Variants in TIAL1 observed in about 807,000 individuals in gnomAD.
The protein encoded by TIAL1 is TIA1 cytotoxic granule associated RNA binding protein like 1.
In TIAL1, 7 loss-of-function variants were observed where a neutral mutation model predicts 59.7. That is an observed-to-expected ratio of 0.12 (90% CI 0.07 to 0.22). The LOEUF is 0.22. Ranked by LOEUF, TIAL1 falls within the 10% of genes least tolerant of loss-of-function variation. The pLI is 1.00. For missense variants in TIAL1, 225 were observed against 462.5 expected (o/e 0.49, Z 4.71); for synonymous variants, 149 against 146.3 (o/e 1.02, Z -0.13).
At position 119,582,679 on chromosome 10, in the gene TIAL1, T is replaced by TGAAAGCCTAACAC; in HGVS notation, c.130-135_130-123dup. The TGAAAGCCTAACAC allele has an allele frequency of 6.9e-7, 1 of 1,445,146 alleles. No individual in the cohort carries two copies. The highest frequency in any genetic ancestry group is 9.2e-7 in the Non-Finnish European group (1 of 1,091,938). The allele number at this position is 1,445,146 out of a possible 1,614,324, so 89.5% of individuals were successfully genotyped here. On this transcript the variant is annotated intron_variant, in intron 2 of 11. Transcript: ENST00000436547. This position sits in a 1 kb window ranked among gnomAD's most constrained non-coding sequence, Gnocchi z 5.1. Reference sequence around the variant, plus strand: ...TACAAGGTGAGACTGCATAAGCTTATGAAAGCCTAACACTTTTTAAATAAG... The same window carrying TGAAAGCCTAACAC: ...TACAAGGTGAGACTGCATAAGCTTATGAAAGCCTAACACGAAAGCCTAACACTTTTTAAATAAG...
At chr10:119,580,942 C>A in intron 5 of TIAL1, 2 of 505,512 alleles carry the variant, frequency 4.0e-6, no homozygotes, top group Non-Finnish European at 2.8e-6. Context: ...AAAACAGCAA[C>A]CTGTATTATT....
rs764531170 is a variant in TIAL1 at position 119,596,618 on chromosome 10, C to G, written c.-153G>C. The G allele has an allele frequency of 2.7e-5, 17 of 629,600 alleles. No homozygotes were observed. The highest frequency in any genetic ancestry group is 4.4e-5 in the Non-Finnish European group (16 of 362,518). 39.0% of individuals were successfully genotyped at this position (629,600 alleles called of 1,614,324 possible). A position where few individuals can be genotyped will look rare whatever the true frequency, so the allele number is the denominator to read the frequency against. ...TCTCGGGCTCTCTCCCCCCAGCCCG[C>G]TCCGGACACTGCGCTCCAACCAGGA... is the stretch of plus-strand genomic sequence containing the variant. On this transcript the variant is annotated 5_prime_UTR_variant, in exon 1 of 12. Transcript: ENST00000436547.
At position 119,596,474 on chromosome 10, in the gene TIAL1, C is replaced by A. The variant is rs766691683; in HGVS notation, c.-9G>T. On this transcript the variant is annotated 5_prime_UTR_variant, in exon 1 of 12. Transcript: ENST00000436547. The stretch of plus-strand genomic sequence containing the variant: ...CCGTCGTCTTCCATCATGGTGGGTG[C>A]GACGGAGCGATCCCGGGACAAGGGG... The A allele has an allele frequency of 6.4e-6, 9 of 1,416,540 alleles. No homozygotes were observed. Among genetic ancestry groups the A allele is most frequent in the Non-Finnish European group, 6.6e-6 (7 of 1,062,346 alleles). 87.7% of individuals were successfully genotyped at this position (1,416,540 alleles called of 1,614,324 possible).
At position 119,575,533 on chromosome 10, in the gene TIAL1, G is replaced by T; in HGVS notation, c.*132C>A. 1 of 1,261,778 alleles carries T rather than the reference G, an allele frequency of 7.9e-7. No individual in the cohort carries two copies. The highest frequency in any genetic ancestry group is 1.1e-6 in the Non-Finnish European group (1 of 896,540). The allele number at this position is 1,261,778 out of a possible 1,614,324, so 78.2% of individuals were successfully genotyped here. On this transcript the variant is annotated 3_prime_UTR_variant, in exon 12 of 12. Coordinates refer to ENST00000436547, the MANE Select transcript of TIAL1 (RefSeq NM_003252.4). ...ACGTGTCCTTCACCAAAGCAAATCT[G>T]TGCTAAAGGTTCCAAACATTTCAAT...
Position 119,573,964 on chromosome 10 carries a change from A to G in TIAL1, c.*1701T>C, listed in dbSNP as rs1288478558. On this transcript the variant is annotated 3_prime_UTR_variant, in exon 12 of 12. Coordinates refer to ENST00000436547, the MANE Select transcript of TIAL1 (RefSeq NM_003252.4). ...ATTGTGACCACCAATTTATAAAATC[A>G]TTATTTTAAAGCTAATCGTAAAACT... 6.6e-6 allele frequency: 1 copy of G among 152,558 alleles called. No individual in the cohort carries two copies. The highest frequency in any genetic ancestry group is 6.5e-5 in the Admixed American group (1 of 15,282). The allele number at this position is 152,558 out of a possible 1,614,324, so 9.5% of individuals were successfully genotyped here.
chr10:119,592,231 C>T (rs1224125285), intron 1 of TIAL1: 4 of 152,006 alleles, frequency 2.6e-5, no homozygotes, highest in African/African-American at 9.7e-5. Flanking sequence ...TTTAACTCAA[C>T]GAAAAAATTC....
intron 2 of TIAL1, among the ~76,000 whole-genome samples, chr10:119,584,950 CAAA>C (rs1314813132): frequency 6.6e-6 from 1 of 151,250 alleles, no homozygotes; most frequent in Non-Finnish European, 1.5e-5. Context: ...ATTAAAAATA[CAAA>C]AAATAAAAAA....
At chr10:119,578,957 C>T in intron 6 of TIAL1, 123 bp from the exon 7 acceptor site, 1 of 711,316 alleles carries the variant, frequency 1.4e-6, no homozygotes, top group East Asian at 2.7e-5. Flanking sequence ...ACTAAATATC[C>T]TAAACAAAAC....
rs1333590601 is a variant in TIAL1, at chr10:119,575,776, A to G, written c.1017T>C (p.Ala339=). Reference sequence around the variant, plus strand: ...GAGCACCAAATCCACCCATCCAAGCAGCAGAAGGTGATTGACTTGGAAGAA... The same window carrying G: ...GAGCACCAAATCCACCCATCCAAGCGGCAGAAGGTGATTGACTTGGAAGAA... The part of the protein sequence containing the change: ...QGFGVDQSPS[A]AWMGGFGAQP... Residue 339 remains alanine (A), a synonymous_variant, in exon 12 of 12, where the codon GCT becomes GCC. Coordinates refer to ENST00000436547, the MANE Select transcript of TIAL1 (RefSeq NM_003252.4). 1.3e-6 allele frequency: 2 copies of G among 1,553,770 alleles called. No homozygotes were observed. Among genetic ancestry groups the G allele is most frequent in the South Asian group, 1.2e-5 (1 of 82,692 alleles).
In TIAL1 at chr10:119,577,588, A is replaced by T; in HGVS notation, c.652+53T>A. The T allele has an allele frequency of 3.1e-6, 5 of 1,607,714 alleles. No individual in the cohort carries two copies. In the Admixed American group the frequency reaches 5.0e-5, roughly 16 times the overall value. On this transcript the variant is annotated intron_variant, in intron 8 of 11. Coordinates refer to ENST00000436547, the MANE Select transcript of TIAL1 (RefSeq NM_003252.4). ...ATGGCTGATGTGTATCATGAAATTC[A>T]TATGAACAGTGATGAAGCTCCTCAG...
At chr10:119,595,845 G>T (rs1846147625) in intron 1 of TIAL1, among the ~76,000 whole-genome samples, 1 of 152,230 alleles carries the variant, frequency 6.6e-6, no homozygotes, top group Admixed American at 6.5e-5. Flanking sequence ...AGTAGCGGGC[G>T]CTAGGCGGGT....
chr10:119,576,779 G>A (rs746242040), intron 10 of TIAL1, 29 bp from the exon 11 acceptor site: 6 of 1,609,408 alleles, frequency 3.7e-6, no homozygotes, highest in African/African-American at 2.7e-5. Flanking sequence ...TTGTTTTAGG[G>A]AACACATAAG....
rs141901066 is a variant in TIAL1 at position 119,580,579 on chromosome 10, AAGG to A, written c.372-572_372-570del. 5.1e-5 allele frequency: 51 copies of A among 999,540 alleles called. No homozygotes were observed. The African/African-American group carries it at 8.1e-4, about 16-fold the overall frequency. The allele number at this position is 999,540 out of a possible 1,614,324, so 61.9% of individuals were successfully genotyped here. A position where few individuals can be genotyped will look rare whatever the true frequency, so the allele number is the denominator to read the frequency against. On this transcript the variant is annotated intron_variant, in intron 5 of 11. Coordinates refer to ENST00000436547, the MANE Select transcript of TIAL1 (RefSeq NM_003252.4). The stretch of plus-strand genomic sequence containing the variant: ...AATTGACATTTTCAGAAATTTAAGA[AAGG>A]AGAATAAAAAACTAACAACAATGCT...
At chr10:119,576,202 G>GAAAAAAAAAAAAA (rs34336844) in intron 11 of TIAL1, among the ~76,000 whole-genome samples, 1 of 109,074 alleles carries the variant, frequency 9.2e-6, no homozygotes. Context: ...ATCAACAAAA[G>GAAAAAAAAAAAAA]AAAAAAAAAA....
intron 2 of TIAL1, among the ~76,000 whole-genome samples, chr10:119,586,734 T>C (rs76916607): frequency 0.012 from 1,882 of 152,288 alleles, 36 homozygotes; most frequent in African/African-American, 0.043. Context: ...CATCGGTCTT[T>C]GATTCCACAA....
At chr10:119,576,202 G>GAAAAAA (rs34336844) in intron 11 of TIAL1, among the ~76,000 whole-genome samples, 6 of 109,074 alleles carry the variant, frequency 5.5e-5, no homozygotes, top group Non-Finnish European at 3.9e-5. Flanking sequence ...ATCAACAAAA[G>GAAAAAA]AAAAAAAAAA....
chr10:119,584,828 CA>C (rs1845473521), intron 2 of TIAL1, among the ~76,000 whole-genome samples: 1 of 150,952 alleles, frequency 6.6e-6, no homozygotes, highest in South Asian at 2.1e-4. Context: ...GACTCTGTCT[CA>C]AAAAAAAGTG....
intron 1 of TIAL1, among the ~76,000 whole-genome samples, chr10:119,590,048 G>T (rs1845772094): frequency 6.6e-6 from 1 of 152,144 alleles, no homozygotes; most frequent in African/African-American, 2.4e-5. Context: ...GAAAGCTTAG[G>T]TTAAGTAAAA....
At position 119,575,037 on chromosome 10, in the gene TIAL1, CCAA is replaced by C. The variant is rs944934275; in HGVS notation, c.*625_*627del. 1.3e-5 allele frequency: 2 copies of C among 152,646 alleles called. No individual in the cohort carries two copies. The highest frequency in any genetic ancestry group is 2.4e-5 in the African/African-American group (1 of 41,454). The allele number at this position is 152,646 out of a possible 1,614,324, so 9.5% of individuals were successfully genotyped here. On this transcript the variant is annotated 3_prime_UTR_variant, in exon 12 of 12. Transcript: ENST00000436547. ...TAAAAATATGTCTTAACGTGGACCA[CCAA>C]CATTTGCTCAAGTAACTCAAACAAT...
Sources: gnomAD v4.1 joint callset for allele counts (sites outside exome capture counted in the v4.1 genomes callset) on GRCh38, gnomAD v4.1.1 for gene constraint, Gnocchi (gnomAD v3.1) non-coding constraint, MANE v1.5 for transcripts, NCBI Gene and HGNC (gene_info 2026-07-23, HGNC 2026-07-21) for gene names.